BYSL: variants seen among roughly 807,000 people sequenced by gnomAD.
The protein encoded by BYSL is bystin.
BYSL carries 21 observed loss-of-function variants against 45.4 expected under a neutral mutation model. The observed-to-expected ratio is 0.46, with a 90% confidence interval of 0.33 to 0.67. The LOEUF (loss-of-function observed/expected upper bound fraction) is 0.67. BYSL is among the 30% of genes least tolerant of loss of function. BYSL has a pLI of 0.02. For missense variants in BYSL, 522 were observed against 578.5 expected, an observed-to-expected ratio of 0.90 and a Z score of 1.00; for synonymous variants, 215 against 231.3, an observed-to-expected ratio of 0.93 and a Z score of 0.64.
chr6:41,921,045 T>C (rs778824677), upstream of BYSL: 4 of 1,611,052 alleles, frequency 2.5e-6, no homozygotes, highest in Admixed American at 6.7e-5. Context: ...GGTGGCAGAA[T>C]CACACAGTAG....
Position 41,931,834 on chromosome 6 carries a change from G to A in BYSL, c.968+4G>A, listed in dbSNP as rs529128433. The A allele has an allele frequency of 3.7e-6, 6 of 1,610,560 alleles. No homozygotes were observed. Among genetic ancestry groups the A allele is most frequent in the Admixed American group, 1.7e-5 (1 of 59,996 alleles). ...CCATCCCTGTGTTGCACTCCAGGTAGTATTGCTGGGGGTGGAAGGGGGCTG... is the reference window on the plus strand; with the variant it reads ...CCATCCCTGTGTTGCACTCCAGGTAATATTGCTGGGGGTGGAAGGGGGCTG... On this transcript the variant is annotated splice_donor_region_variant and intron_variant, in intron 6 of 6. Coordinates refer to ENST00000230340, the MANE Select transcript of BYSL (RefSeq NM_004053.4).
rs894135678 is a variant in BYSL, at chr6:41,932,970, G to T, written c.*264G>T. ...GCTAGCATTCCCAGTCCCCAGCTGG[G>T]GCTTGGTGTGAGTACTTTTTCTATG... is the stretch of plus-strand genomic sequence containing the variant. On this transcript the variant is annotated 3_prime_UTR_variant, in exon 7 of 7. Transcript: ENST00000230340. The surrounding 1 kb of genome is among the most constrained non-coding windows in gnomAD (Gnocchi z 4.7). 1.5e-5 allele frequency: 7 copies of T among 468,606 alleles called. No homozygotes were observed. The highest frequency in any genetic ancestry group is 2.7e-5 in the Non-Finnish European group (7 of 260,018). The allele number at this position is 468,606 out of a possible 1,614,324, so 29.0% of individuals were successfully genotyped here. A position where few individuals can be genotyped will look rare whatever the true frequency, so the allele number is the denominator to read the frequency against.
intron 1 of BYSL, among the ~76,000 whole-genome samples, chr6:41,925,683 T>C (rs1775554398): frequency 1.4e-5 from 2 of 147,270 alleles, no homozygotes; most frequent in African/African-American, 2.5e-5. Flanking sequence ...TATTTATTTA[T>C]TTATTTATTT....
chr6:41,912,647 G>A, the BYSL span, among the ~76,000 whole-genome samples: 3 of 152,088 alleles, frequency 2.0e-5, no homozygotes, highest in African/African-American at 2.4e-5. Context: ...ATGAGCCACC[G>A]CGCCCAGACG....
upstream of BYSL, chr6:41,918,025 AC>A (rs1639189718): frequency 7.3e-6 from 2 of 275,174 alleles, no homozygotes; most frequent in Admixed American, 4.5e-5. Flanking sequence ...CAAAAAAAAA[AC>A]GTTATTTCTA....
chr6:41,917,985 C>T (rs891734468), upstream of BYSL: 1 of 250,930 alleles, frequency 4.0e-6, no homozygotes, highest in Middle Eastern at 5.4e-4. Context: ...ACAGTATTCA[C>T]GAAAATTGAA....
the BYSL span, among the ~76,000 whole-genome samples, chr6:41,910,824 T>C: frequency 6.7e-6 from 1 of 149,270 alleles, no homozygotes; most frequent in Non-Finnish European, 1.5e-5. Flanking sequence ...AAGCTGACAA[T>C]CAGGCTGGGC....
intron 1 of BYSL, among the ~76,000 whole-genome samples, chr6:41,925,060 T>G (rs1775544003): frequency 6.6e-6 from 1 of 151,970 alleles, no homozygotes; most frequent in Non-Finnish European, 1.5e-5. Context: ...AAAATTAGTT[T>G]AGTTGATAAC....
At position 41,923,776 on chromosome 6, in the gene BYSL, A is replaced by G. The variant is rs532632968; in HGVS notation, c.268+1946A>G. ...ACAAAGTACTCACAGGTGGGGGATT[A>G]CAATGGTCTACAATGCACTATATGA... On this transcript the variant is annotated intron_variant, in intron 1 of 6. Transcript: ENST00000230340. Among the ~76,000 whole-genome samples, 11 of 152,264 alleles carry G rather than the reference A, an allele frequency of 7.2e-5. No homozygotes were observed. In the East Asian group the frequency reaches 2.1e-3, roughly 30 times the overall value.
chr6:41,919,306 T>G (rs566522407), upstream of BYSL, among the ~76,000 whole-genome samples: 1 of 152,110 alleles, frequency 6.6e-6, no homozygotes, highest in African/African-American at 2.4e-5. Context: ...ATGTAGTGCC[T>G]GTTAAAACAT....
At chr6:41,926,547 T>C (rs1775566134) in intron 1 of BYSL, among the ~76,000 whole-genome samples, 1 of 151,758 alleles carries the variant, frequency 6.6e-6, no homozygotes, top group African/African-American at 2.4e-5. Flanking sequence ...ACCTCCTGGG[T>C]TCAAGTGATT....
rs201808575 is a variant in BYSL, at chr6:41,932,671, C to T, written c.1279C>T (p.Arg427Cys). ...IRRELQSAVP[R>C]DVEDVPITVE ...GCGTGAGCTTCAGAGTGCAGTCCCC[C>T]GCGATGTGGAAGATGTTCCCATCAC... The change falls in exon 7 of 7, where the codon CGC (arginine) becomes TGC (cysteine). Residue 427 changes from arginine to cysteine, a missense_variant. Physicochemically the swap from Arg to Cys is radical, Grantham distance 180. Transcript: ENST00000230340. This position sits in a 1 kb window ranked among gnomAD's most constrained non-coding sequence, Gnocchi z 4.7. The T allele has an allele frequency of 1.7e-5, 27 of 1,613,006 alleles. No homozygotes were observed. The highest frequency in any genetic ancestry group is 6.7e-5 in the East Asian group (3 of 44,844).
At chr6:41,930,823 G>A (rs1408290459) in intron 4 of BYSL, 55 bp downstream of exon 4, 3 of 1,568,966 alleles carry the variant, frequency 1.9e-6, no homozygotes. Flanking sequence ...GCTGAGTTTG[G>A]GACGGACAGG....
chr6:41,929,827 C>T (rs1018456257), intron 2 of BYSL, among the ~76,000 whole-genome samples: 12 of 152,136 alleles, frequency 7.9e-5, no homozygotes, highest in African/African-American at 2.9e-4. Flanking sequence ...AAGATCATAC[C>T]AGGGAGTGGG....
At chr6:41,931,263 A>C in intron 4 of BYSL, 133 bp from the exon 5 acceptor site, 9 of 1,049,938 alleles carry the variant, frequency 8.6e-6, no homozygotes, top group Non-Finnish European at 1.3e-5. Context: ...CAGCTCCCAC[A>C]CATCCCCCAC....
rs375271976 is a variant in BYSL, at chr6:41,931,458, C to G, written c.767C>G (p.Pro256Arg). 1 of 1,614,090 alleles carries G rather than the reference C, an allele frequency of 6.2e-7. No individual in the cohort carries two copies. The highest frequency in any genetic ancestry group is 8.5e-7 in the Non-Finnish European group (1 of 1,180,044). ...CGCTTCTACAACCTTGTCCTGCTCCCTCGAGTACGAGATGACGTTGCTGAA... is the reference window on the plus strand; with the variant it reads ...CGCTTCTACAACCTTGTCCTGCTCCGTCGAGTACGAGATGACGTTGCTGAA... ...AQRFYNLVLL[P>R]RVRDDVAEYK... Residue 256 changes from proline to arginine, a missense_variant, in exon 5 of 7, where the codon CCT becomes CGT. Physicochemically the swap from Pro to Arg is moderately radical, Grantham distance 103 (BLOSUM62 -2). Transcript: ENST00000230340.
rs1775625389 is a variant in BYSL at position 41,930,720 on chromosome 6, T to C, written c.656T>C (p.Val219Ala). ...TCCAACTGGGAGCAAATCCTCTACG[T>C]CACAGAGCCGGAGGCCTGGACTGCA... ...ALSNWEQILY[V>A]TEPEAWTAAA... Residue 219 changes from valine (V) to alanine (A), a missense_variant, in exon 4 of 7, where the codon GTC becomes GCC. By Grantham distance (64) the Val-to-Ala change is moderately conservative. Transcript: ENST00000230340. 1.9e-6 allele frequency: 3 copies of C among 1,614,028 alleles called. No individual in the cohort carries two copies.
intron 2 of BYSL, among the ~76,000 whole-genome samples, chr6:41,928,609 ACTC>A (rs1775595289): frequency 6.6e-6 from 1 of 152,066 alleles, no homozygotes; most frequent in Non-Finnish European, 1.5e-5. Context: ...AGTAATCAGA[ACTC>A]CTGGCAGTCG....
chr6:41,923,871 G>T (rs1775526631), intron 1 of BYSL, among the ~76,000 whole-genome samples: 1 of 152,028 alleles, frequency 6.6e-6, no homozygotes. Context: ...ACCTATTTAG[G>T]CTTCATTGTG....
Sources: gnomAD v4.1 joint callset for allele counts (sites outside exome capture counted in the v4.1 genomes callset) on GRCh38, gnomAD v4.1.1 for gene constraint, Gnocchi (gnomAD v3.1) non-coding constraint, MANE v1.5 for transcripts, NCBI Gene and HGNC (gene_info 2026-07-23, HGNC 2026-07-21) for gene names.